Variants in SYT1 observed in about 807,000 individuals in gnomAD.
The protein encoded by SYT1 is synaptotagmin 1.
SYT1 carries 8 observed loss-of-function variants against 44.8 expected under a neutral mutation model. The observed-to-expected ratio is 0.18, with a 90% CI of 0.10 to 0.32. SYT1 has a LOEUF of 0.32. Among genes scored for constraint, SYT1 ranks in the 10% least tolerant of loss-of-function variants. The pLI, the probability that SYT1 is intolerant of heterozygous loss-of-function variation, is 1.00. For synonymous variants in SYT1, 154 were observed against 188.8 expected (o/e 0.82, Z 1.51); for missense variants, 286 against 509.3 (o/e 0.56, Z 4.22).
chr12:79,207,311 T>C (rs1373337142), intron 3 of SYT1, among the ~76,000 whole-genome samples: 1 of 152,218 alleles, frequency 6.6e-6, no homozygotes, highest in African/African-American at 2.4e-5. Flanking sequence ...CCACCACCTT[T>C]AGGATCAAGG....
intron 3 of SYT1, among the ~76,000 whole-genome samples, chr12:79,049,423 A>G (rs1874306735): frequency 6.6e-6 from 1 of 151,750 alleles, no homozygotes. Context: ...ATTACCTATT[A>G]TTTAATAATT....
At chr12:79,260,492 C>T (rs1877768388) in intron 4 of SYT1, among the ~76,000 whole-genome samples, 1 of 152,194 alleles carries the variant, frequency 6.6e-6, no homozygotes, top group African/African-American at 2.4e-5. Context: ...TTCAGTAACT[C>T]TGAGCCAGTT....
chr12:79,200,906 T>C (rs1288308027), intron 3 of SYT1, among the ~76,000 whole-genome samples: 1 of 152,194 alleles, frequency 6.6e-6, no homozygotes, highest in East Asian at 1.9e-4. Flanking sequence ...GGATTTTTTG[T>C]AAGCCAGATA....
intron 3 of SYT1, among the ~76,000 whole-genome samples, chr12:79,164,902 G>C (rs1443483358): frequency 6.6e-6 from 1 of 151,994 alleles, no homozygotes; most frequent in Non-Finnish European, 1.5e-5. Context: ...TTAAGACTTT[G>C]ATATAAAGTA....
At chr12:79,120,979 A>ATG (rs1879570955) in intron 3 of SYT1, among the ~76,000 whole-genome samples, 1 of 148,336 alleles carries the variant, frequency 6.7e-6, no homozygotes, top group Non-Finnish European at 1.5e-5. Flanking sequence ...ACACATTTGT[A>ATG]TATATATATA....
intron 8 of SYT1, among the ~76,000 whole-genome samples, chr12:79,341,997 CA>C (rs1218059562): frequency 6.6e-6 from 1 of 151,994 alleles, no homozygotes; most frequent in Admixed American, 6.6e-5. Flanking sequence ...GAATGTCAAG[CA>C]AAAGGAACTG....
Position 79,322,291 on chromosome 12 carries a change from G to C in SYT1, c.810+22740G>C, listed in dbSNP as rs559065665. Reference sequence around the variant, plus strand: ...CGTATTCTGAGACTGTGAAAATTGAGGACTCATCTATCCTCAAATGGAAAC... The same window carrying C: ...CGTATTCTGAGACTGTGAAAATTGACGACTCATCTATCCTCAAATGGAAAC... On this transcript the variant is annotated intron_variant, in intron 8 of 10. Coordinates refer to ENST00000261205, the MANE Select transcript of SYT1 (RefSeq NM_005639.3). 3.9e-5 allele frequency among the ~76,000 whole-genome samples: 6 copies of C among 152,074 alleles called. No individual in the cohort carries two copies. The East Asian group carries it at 9.7e-4, about 25-fold the overall frequency.
chr12:78,976,505 C>A (rs962679454), intron 1 of SYT1: 9 of 152,082 alleles, frequency 5.9e-5, no homozygotes, highest in Non-Finnish European at 8.8e-5. Flanking sequence ...CACTGGTTGG[C>A]GAAGAGAATG....
chr12:78,867,142 C>A (rs1346531208), intron 1 of SYT1, among the ~76,000 whole-genome samples: 3 of 151,170 alleles, frequency 2.0e-5, no homozygotes, highest in Non-Finnish European at 1.5e-5. Context: ...GACAAAGGGA[C>A]AATCACTTAA....
intron 2 of SYT1, among the ~76,000 whole-genome samples, chr12:79,033,377 T>C (rs947922457): frequency 1.3e-5 from 2 of 151,438 alleles, no homozygotes; most frequent in Non-Finnish European, 3.0e-5. Flanking sequence ...TGTAATTTGT[T>C]GAATGCTGTC....
chr12:79,316,729 C>CT (rs1881105304), intron 8 of SYT1, among the ~76,000 whole-genome samples: 1 of 152,208 alleles, frequency 6.6e-6, no homozygotes, highest in African/African-American at 2.4e-5. Context: ...CGTTTATTCT[C>CT]TAAGTGTAGG....
chr12:79,022,368 G>T (rs1006675916), intron 2 of SYT1, among the ~76,000 whole-genome samples: 5 of 151,704 alleles, frequency 3.3e-5, no homozygotes, highest in Non-Finnish European at 7.4e-5. Context: ...AGTATGATCT[G>T]GGTACCTGTA....
At chr12:79,154,234 A>G (rs1221324477) in intron 3 of SYT1, among the ~76,000 whole-genome samples, 3 of 152,112 alleles carry the variant, frequency 2.0e-5, no homozygotes, top group Admixed American at 1.3e-4. Flanking sequence ...CAATTTCAGA[A>G]GCTCTAAAAT....
At chr12:78,976,127 C>G (rs1311194468) in intron 1 of SYT1, among the ~76,000 whole-genome samples, 2 of 152,144 alleles carry the variant, frequency 1.3e-5, no homozygotes, top group Non-Finnish European at 2.9e-5. Flanking sequence ...CACCATGACA[C>G]TTACCAATTT....
chr12:79,041,390 T>C (rs1305215302), intron 2 of SYT1, among the ~76,000 whole-genome samples: 2 of 152,126 alleles, frequency 1.3e-5, no homozygotes, highest in Non-Finnish European at 2.9e-5. Context: ...GAAGCAATTG[T>C]GAATGGGATT....
At chr12:79,308,450 C>T (rs932826836) in intron 8 of SYT1, among the ~76,000 whole-genome samples, 3 of 149,880 alleles carry the variant, frequency 2.0e-5, no homozygotes, top group Admixed American at 6.6e-5. Flanking sequence ...AGCTTGCATG[C>T]GGTGAGCCGA....
intron 2 of SYT1, among the ~76,000 whole-genome samples, chr12:79,029,491 C>T (rs1190477289): frequency 6.6e-6 from 1 of 151,064 alleles, no homozygotes; most frequent in Non-Finnish European, 1.5e-5. Context: ...GCCAAACATA[C>T]ATTCTGCCCT....
At chr12:79,114,230 G>A (rs920305182) in intron 3 of SYT1, among the ~76,000 whole-genome samples, 6 of 152,172 alleles carry the variant, frequency 3.9e-5, no homozygotes, top group African/African-American at 7.2e-5. Context: ...TTGTGTGGGA[G>A]AGCACGGCTT....
chr12:79,041,270 T>G (rs1873547862), intron 2 of SYT1, among the ~76,000 whole-genome samples: 1 of 152,186 alleles, frequency 6.6e-6, no homozygotes, highest in Admixed American at 6.5e-5. Flanking sequence ...GGAATGTTCT[T>G]CCATTTGTTT....
Sources: gnomAD v4.1 joint callset for allele counts (sites outside exome capture counted in the v4.1 genomes callset) on GRCh38, gnomAD v4.1.1 for gene constraint, MANE v1.5 for transcripts, NCBI Gene and HGNC (gene_info 2026-07-23, HGNC 2026-07-21) for gene names.